Variants in NRG1 observed in about 807,000 individuals in gnomAD.
NRG1 encodes the protein neuregulin 1.
NRG1 carries 18 observed loss-of-function variants against 63.8 expected under a neutral mutation model. That is an observed-to-expected ratio of 0.28 (90% CI 0.19 to 0.42). The LOEUF (loss-of-function observed/expected upper bound fraction) is 0.42. Ranked by LOEUF, NRG1 falls within the 10% of genes least tolerant of loss-of-function variation. The pLI is 1.00. For synonymous variants in NRG1, 302 were observed against 301.3 expected, an observed-to-expected ratio of 1.00 and a Z score of -0.02; for missense variants, 762 against 814.7, an observed-to-expected ratio of 0.94 and a Z score of 0.79.
intron 1 of NRG1, among the ~76,000 whole-genome samples, chr8:32,354,294 G>C (rs534999944): frequency 6.6e-6 from 1 of 152,134 alleles, no homozygotes; most frequent in Admixed American, 6.5e-5. Context: ...GCTAGAACCC[G>C]GGAGGCAGAG....
chr8:31,952,833 T>G (rs950333142), intron 1 of NRG1, among the ~76,000 whole-genome samples: 1 of 152,170 alleles, frequency 6.6e-6, no homozygotes, highest in Non-Finnish European at 1.5e-5. Context: ...GTTCTAATGA[T>G]CTAACATGCT....
intron 5 of NRG1, among the ~76,000 whole-genome samples, chr8:32,715,912 G>A (rs1819094368): frequency 6.6e-6 from 1 of 152,178 alleles, no homozygotes; most frequent in South Asian, 2.1e-4. Flanking sequence ...AAAGTGCTGG[G>A]ATTACAGGCG....
intron 1 of NRG1, among the ~76,000 whole-genome samples, chr8:32,356,485 A>AC (rs202115951): frequency 2.6e-5 from 2 of 75,484 alleles, no homozygotes; most frequent in Non-Finnish European, 5.0e-5. Context: ...CCCCCCCCCC[A>AC]CCCGCCGGGC....
chr8:31,746,216 C>T (rs1475714511), intron 1 of NRG1, among the ~76,000 whole-genome samples: 1 of 151,918 alleles, frequency 6.6e-6, no homozygotes, highest in Non-Finnish European at 1.5e-5. Context: ...ACATGGCCAC[C>T]AACAAGCCCA....
intron 1 of NRG1, among the ~76,000 whole-genome samples, chr8:31,937,412 G>T (rs1000173956): frequency 1.3e-5 from 2 of 152,142 alleles, no homozygotes; most frequent in Non-Finnish European, 2.9e-5. Flanking sequence ...AATAATAAAA[G>T]ATTTTAAGTA....
At chr8:32,357,771 G>T (rs1366224704) in intron 1 of NRG1, among the ~76,000 whole-genome samples, 2 of 152,202 alleles carry the variant, frequency 1.3e-5, no homozygotes, top group Non-Finnish European at 2.9e-5. Context: ...CTCTGTGCCA[G>T]CTGTTGGGAA....
chr8:32,100,024 C>A (rs1315064286), intron 1 of NRG1, among the ~76,000 whole-genome samples: 1 of 151,990 alleles, frequency 6.6e-6, no homozygotes, highest in African/African-American at 2.4e-5. Flanking sequence ...GAGGTTGAGT[C>A]TGTGAATGAG....
At chr8:32,601,009 A>G (rs923242994) in intron 2 of NRG1, among the ~76,000 whole-genome samples, 1 of 152,084 alleles carries the variant, frequency 6.6e-6, no homozygotes, top group Non-Finnish European at 1.5e-5. Context: ...AAAGCCCCAA[A>G]TCTTTTTGCA....
chr8:31,961,452 T>C (rs1805438717), intron 1 of NRG1, among the ~76,000 whole-genome samples: 1 of 152,180 alleles, frequency 6.6e-6, no homozygotes, highest in Non-Finnish European at 1.5e-5. Context: ...AATAAAAGAA[T>C]TCCATTGTTG....
chr8:31,919,648 T>C (rs760077328), intron 1 of NRG1, among the ~76,000 whole-genome samples: 2 of 152,102 alleles, frequency 1.3e-5, no homozygotes, highest in Non-Finnish European at 2.9e-5. Context: ...GCTAACCTGA[T>C]TCAACACATC....
chr8:32,070,058 A>G (rs1166589216), intron 1 of NRG1, among the ~76,000 whole-genome samples: 1 of 152,188 alleles, frequency 6.6e-6, no homozygotes, highest in Non-Finnish European at 1.5e-5. Context: ...AGATGTCAAT[A>G]AAAGGTAGTA....
intron 1 of NRG1, among the ~76,000 whole-genome samples, chr8:32,348,431 C>G (rs921583289): frequency 6.6e-6 from 1 of 152,064 alleles, no homozygotes; most frequent in African/African-American, 2.4e-5. Flanking sequence ...ATTTAAGTGG[C>G]AGGAAGAAGC....
intron 1 of NRG1, chr8:32,063,474 G>C (rs946637796): frequency 1.2e-4 from 19 of 152,246 alleles, no homozygotes; most frequent in Middle Eastern, 3.4e-3. Flanking sequence ...AAAGTGGGGA[G>C]ATCTTGACAA....
chr8:31,941,911 A>C (rs1801813017), intron 1 of NRG1, among the ~76,000 whole-genome samples: 1 of 152,178 alleles, frequency 6.6e-6, no homozygotes. Flanking sequence ...AAATGGAAAC[A>C]CATCCCATGC....
intron 5 of NRG1, among the ~76,000 whole-genome samples, chr8:32,630,680 A>G (rs1239515157): frequency 6.6e-6 from 1 of 151,380 alleles, no homozygotes; most frequent in Non-Finnish European, 1.5e-5. Flanking sequence ...TCCCTATGTT[A>G]AGTTTTCTTT....
In NRG1 at chr8:31,709,580, G is replaced by A. The variant is rs569630181; in HGVS notation, c.37+70149G>A. 1.1e-4 allele frequency among the ~76,000 whole-genome samples: 17 copies of A among 152,034 alleles called. No homozygotes were observed. In the South Asian group the frequency reaches 1.5e-3, roughly 13 times the overall value. ...AGAATTTTCCTAGAAAACTTCCAAGGCCAGAGGTTTCAGAGTATTAATAAT... is the reference window on the plus strand; with the variant it reads ...AGAATTTTCCTAGAAAACTTCCAAGACCAGAGGTTTCAGAGTATTAATAAT... On this transcript the variant is annotated intron_variant, in intron 1 of 10. Coordinates refer to the NRG1 transcript ENST00000519301.
At chr8:32,263,503 T>C (rs1850603337) in intron 1 of NRG1, among the ~76,000 whole-genome samples, 1 of 152,174 alleles carries the variant, frequency 6.6e-6, no homozygotes, top group South Asian at 2.1e-4. Context: ...AGACCCGCAC[T>C]TTTTGTTATC....
intron 5 of NRG1, among the ~76,000 whole-genome samples, chr8:32,711,654 G>C (rs949538246): frequency 6.6e-6 from 1 of 152,120 alleles, no homozygotes; most frequent in Non-Finnish European, 1.5e-5. Context: ...ATGCTATCCA[G>C]AGCACACCTC....
intron 1 of NRG1, among the ~76,000 whole-genome samples, chr8:31,795,486 G>C (rs2131684575): frequency 6.6e-6 from 1 of 152,196 alleles, no homozygotes; most frequent in Non-Finnish European, 1.5e-5. Context: ...ATGTCTTCCG[G>C]GAGCTATCCA....
Sources: allele counts gnomAD v4.1 joint callset (sites outside exome capture counted in the v4.1 genomes callset), GRCh38; gene constraint gnomAD v4.1.1; transcripts MANE v1.5; gene names NCBI Gene and HGNC (gene_info 2026-07-23, HGNC 2026-07-21).